SYN3: variants seen among roughly 807,000 people sequenced by gnomAD.
The protein encoded by SYN3 is synapsin-3.
In SYN3, 35 loss-of-function variants were observed where a neutral mutation model predicts 65.8. The observed-to-expected ratio is 0.53, with a 90% CI of 0.41 to 0.70. The LOEUF is 0.70. SYN3 is among the 30% of genes least tolerant of loss of function. The probability of loss-of-function intolerance (pLI) is 0.00; values close to 1 mark genes in which losing one functional copy is unlikely to be tolerated. For synonymous variants in SYN3, 270 were observed against 292.9 expected (o/e 0.92, Z 0.80); for missense variants, 680 against 749.0 (o/e 0.91, Z 1.08).
At chr22:32,835,801 T>C (rs969077056) in intron 6 of SYN3, among the ~76,000 whole-genome samples, 1 of 152,302 alleles carries the variant, frequency 6.6e-6, no homozygotes, top group Non-Finnish European at 1.5e-5. Flanking sequence ...CAATCTGGCA[T>C]TGAGAGCCCT....
At position 32,671,010 on chromosome 22, in the gene SYN3, A is replaced by C. The variant is rs918659722; in HGVS notation, c.712-74274T>G. 1.5e-3 allele frequency among the ~76,000 whole-genome samples: 230 copies of C among 152,342 alleles called. 1 individual carries two copies. Among genetic ancestry groups the C allele is most frequent in the African/African-American group, 5.2e-3 (217 of 41,578 alleles). ...TGTGGTGGACCGGGTGGAAGTCAAG[A>C]GACGCGGATTCTAGCCCTGGCACCA... On this transcript the variant is annotated intron_variant, in intron 6 of 13. Coordinates refer to ENST00000358763, the MANE Select transcript of SYN3 (RefSeq NM_003490.4).
At chr22:33,050,614 G>A (rs926756981) in intron 1 of SYN3, among the ~76,000 whole-genome samples, 1 of 152,022 alleles carries the variant, frequency 6.6e-6, no homozygotes, top group African/African-American at 2.4e-5. Context: ...AAGCTACAGT[G>A]ACCTGGCTGA....
chr22:32,835,684 T>C (rs575681061), intron 6 of SYN3, among the ~76,000 whole-genome samples: 1 of 152,190 alleles, frequency 6.6e-6, no homozygotes, highest in Non-Finnish European at 1.5e-5. Context: ...CCCCTTGCCA[T>C]ACTCTTTGGT....
intron 6 of SYN3, among the ~76,000 whole-genome samples, chr22:32,785,163 C>T (rs140727910): frequency 8.2e-4 from 124 of 151,614 alleles, no homozygotes; most frequent in African/African-American, 2.7e-3. Flanking sequence ...AGGGGTCAGT[C>T]GGTGCAGCTC....
chr22:33,025,433 CAAAAAAAA>C (rs33919912), intron 1 of SYN3, among the ~76,000 whole-genome samples: 5 of 78,736 alleles, frequency 6.4e-5, no homozygotes, highest in African/African-American at 1.9e-4. Context: ...GACTCCGTCT[CAAAAAAAA>C]AAAAAAAAAA....
intron 6 of SYN3, among the ~76,000 whole-genome samples, chr22:32,647,341 T>A (rs548417130): frequency 3.3e-5 from 5 of 152,322 alleles, no homozygotes; most frequent in African/African-American, 1.2e-4. Context: ...CCTGGTGGCA[T>A]CTGAGATGAT....
At chr22:33,045,090 G>A (rs976289177) in intron 1 of SYN3, among the ~76,000 whole-genome samples, 4 of 152,234 alleles carry the variant, frequency 2.6e-5, no homozygotes, top group Admixed American at 6.5e-5. Context: ...TGATCTGCCC[G>A]CCTTGGCCTC....
At chr22:32,863,680 A>G (rs1473839748) in intron 6 of SYN3, among the ~76,000 whole-genome samples, 1 of 152,210 alleles carries the variant, frequency 6.6e-6, no homozygotes, top group Admixed American at 6.5e-5. Flanking sequence ...ACTATATGCC[A>G]GGTACAGCAC....
At chr22:32,744,956 A>G (rs1011786930) in intron 6 of SYN3, among the ~76,000 whole-genome samples, 9 of 152,180 alleles carry the variant, frequency 5.9e-5, no homozygotes, top group East Asian at 3.9e-4. Context: ...AAGGAAAGCA[A>G]TGTTTACGGG....
intron 6 of SYN3, among the ~76,000 whole-genome samples, chr22:32,858,423 C>T (rs1288776526): frequency 6.6e-6 from 1 of 152,154 alleles, no homozygotes; most frequent in Non-Finnish European, 1.5e-5. Context: ...CCTGGCCCCA[C>T]CTGGCAGTTC....
intron 1 of SYN3, among the ~76,000 whole-genome samples, chr22:33,044,108 C>A (rs1008639418): frequency 3.3e-5 from 5 of 151,836 alleles, no homozygotes; most frequent in African/African-American, 1.2e-4. Flanking sequence ...ATGCAACAAC[C>A]TAGCAGTTAG....
intron 6 of SYN3, among the ~76,000 whole-genome samples, chr22:32,624,161 C>G (rs1456912002): frequency 1.3e-5 from 2 of 152,222 alleles, no homozygotes; most frequent in East Asian, 3.9e-4. Context: ...GACATCATCG[C>G]TCCCTCCCTG....
rs1316876427 is a variant in SYN3 at position 32,518,073 on chromosome 22, T to C, written c.1580A>G (p.Lys527Arg). 7 of 1,537,124 alleles carry C rather than the reference T, an allele frequency of 4.6e-6. No individual in the cohort carries two copies. In the East Asian group the frequency reaches 1.1e-4, roughly 25 times the overall value. ...ATGCGGATGGGGTGGTGCTGGCTTC[T>C]TGGACTCTTCACCCTGCTGGGAGGT... The part of the protein sequence containing the change: ...RSTSQQGEES[K>R]KPAPPHPHLN... Residue 527 changes from lysine (K) to arginine (R), a missense_variant, in exon 13 of 14, where the codon AAG (lysine) becomes AGG (arginine). Transcript: ENST00000358763.
chr22:32,897,824 A>AT (rs989480433), intron 4 of SYN3, among the ~76,000 whole-genome samples: 9 of 151,962 alleles, frequency 5.9e-5, no homozygotes, highest in African/African-American at 1.9e-4. Context: ...TTTTATATAT[A>AT]TTTTTTTATT....
intron 6 of SYN3, among the ~76,000 whole-genome samples, chr22:32,605,114 C>T (rs922717751): frequency 4.1e-4 from 62 of 151,818 alleles, no homozygotes; most frequent in African/African-American, 1.5e-3. Flanking sequence ...GTTTTGTTTA[C>T]CACTGCGTCT....
chr22:32,927,080 G>A (rs1477285988), intron 4 of SYN3, among the ~76,000 whole-genome samples: 7 of 152,052 alleles, frequency 4.6e-5, no homozygotes, highest in Non-Finnish European at 1.5e-5. Flanking sequence ...TCAAGGCAAT[G>A]GCTATTTACC....
At chr22:33,017,622 TG>T in intron 1 of SYN3, among the ~76,000 whole-genome samples, 1 of 152,376 alleles carries the variant, frequency 6.6e-6, no homozygotes, top group Non-Finnish European at 1.5e-5. Flanking sequence ...TTTCATTTTT[TG>T]GTGCTATTGT....
intron 6 of SYN3, among the ~76,000 whole-genome samples, chr22:32,775,162 T>C (rs912160381): frequency 6.6e-6 from 1 of 152,192 alleles, no homozygotes; most frequent in Admixed American, 6.5e-5. Flanking sequence ...TGTGTCCTCA[T>C]GTAGCCTTTC....
chr22:32,930,443 G>A (rs966210383), intron 4 of SYN3, among the ~76,000 whole-genome samples: 2 of 152,060 alleles, frequency 1.3e-5, no homozygotes, highest in East Asian at 1.9e-4. Flanking sequence ...TTTTCTTTAT[G>A]AATTACCCGG....
Sources: gnomAD v4.1 joint callset for allele counts (sites outside exome capture counted in the v4.1 genomes callset) on GRCh38, gnomAD v4.1.1 for gene constraint, MANE v1.5 for transcripts, NCBI Gene and HGNC (gene_info 2026-07-23, HGNC 2026-07-21) for gene names.